The following EIF3E variants were observed in gnomAD, a reference collection of about 807,000 sequenced individuals.
EIF3E encodes the protein eukaryotic translation initiation factor 3 subunit E, also known as eIF-3 p48.
In EIF3E, 25 loss-of-function variants were observed where a neutral mutation model predicts 59.3. The ratio of observed to expected loss-of-function variants is 0.42; its 90% CI spans 0.31 to 0.59. The LOEUF (loss-of-function observed/expected upper bound fraction) is 0.59. Ranked by LOEUF, EIF3E falls within the 20% of genes least tolerant of loss-of-function variation. The pLI, the probability that EIF3E is intolerant of heterozygous loss-of-function variation, is 0.15. For synonymous variants in EIF3E, 176 were observed against 170.2 expected (o/e 1.03, Z -0.26); for missense variants, 317 against 534.3 (o/e 0.59, Z 4.01).
chr8:108,222,180 C>A (rs1357827287), intron 7 of EIF3E, among the ~76,000 whole-genome samples: 12 of 148,742 alleles, frequency 8.1e-5, no homozygotes, highest in Non-Finnish European at 4.5e-5. Context: ...GTAGTTGGGG[C>A]CACAGGAGTG....
intron 10 of EIF3E, among the ~76,000 whole-genome samples, chr8:108,210,757 C>A (rs1815191812): frequency 6.6e-6 from 1 of 152,146 alleles, no homozygotes; most frequent in South Asian, 2.1e-4. Flanking sequence ...TCCCCCCACC[C>A]CACGACAGGC....
intron 1 of EIF3E, chr8:108,243,257 A>G (rs374475440): frequency 6.6e-6 from 1 of 152,194 alleles, no homozygotes; most frequent in African/African-American, 2.4e-5. Flanking sequence ...ATAAAAATCA[A>G]AAACAGGCAA....
intron 7 of EIF3E, among the ~76,000 whole-genome samples, chr8:108,222,972 C>T (rs1200583273): frequency 1.3e-5 from 2 of 151,564 alleles, no homozygotes; most frequent in Admixed American, 6.6e-5. Context: ...GGGAGTTTTC[C>T]TACAGTGTTT....
intron 10 of EIF3E, among the ~76,000 whole-genome samples, chr8:108,204,488 G>T (rs976901365): frequency 1.3e-5 from 2 of 151,806 alleles, no homozygotes; most frequent in Non-Finnish European, 2.9e-5. Flanking sequence ...TTATAAGTGG[G>T]AGCTAAGCTA....
chr8:108,229,234 C>T (rs755126748), intron 5 of EIF3E, 39 bp from the exon 6 acceptor site: 4 of 1,597,254 alleles, frequency 2.5e-6, no homozygotes, highest in South Asian at 1.1e-5. Flanking sequence ...TGTGAATACT[C>T]TTGAAAAATG....
chr8:108,207,375 AAT>A (rs1401871299), intron 10 of EIF3E, among the ~76,000 whole-genome samples: 11 of 152,238 alleles, frequency 7.2e-5, no homozygotes, highest in Non-Finnish European at 1.3e-4. Context: ...ATAAAAGTGT[AAT>A]ATCCTATCAA....
At chr8:108,232,030 G>A (rs1287182127) in intron 5 of EIF3E, 1 of 150,770 alleles carries the variant, frequency 6.6e-6, no homozygotes, top group Non-Finnish European at 1.5e-5. Flanking sequence ...AAAGTATTTA[G>A]AAATAAAAAA....
At chr8:108,211,342 G>A (rs563159068) in intron 10 of EIF3E, among the ~76,000 whole-genome samples, 1 of 152,258 alleles carries the variant, frequency 6.6e-6, no homozygotes, top group Non-Finnish European at 1.5e-5. Context: ...TTTCTCTGAT[G>A]GCCAGTGATG....
chr8:108,229,007 C>A, intron 6 of EIF3E, 63 bp downstream of exon 6: 1 of 1,422,012 alleles, frequency 7.0e-7, no homozygotes, highest in Non-Finnish European at 9.3e-7. Flanking sequence ...TGATTTTCCT[C>A]ATCAGAAAGT....
At chr8:108,205,616 G>A (rs1304000585) in intron 10 of EIF3E, among the ~76,000 whole-genome samples, 3 of 152,126 alleles carry the variant, frequency 2.0e-5, no homozygotes, top group Non-Finnish European at 4.4e-5. Context: ...AAACTGTTCT[G>A]GCTAGCATGA....
At chr8:108,242,135 A>C in intron 1 of EIF3E, 4 of 1,419,026 alleles carry the variant, frequency 2.8e-6, no homozygotes, top group African/African-American at 2.8e-5. Flanking sequence ...AATGAAGAGA[A>C]TTACTGTAGA....
chr8:108,214,596 G>C lies in EIF3E; in HGVS notation c.1061+11C>G, dbSNP rs368520339. 7.1e-6 allele frequency: 11 copies of C among 1,546,910 alleles called. No homozygotes were observed. Among genetic ancestry groups the C allele is most frequent in the Non-Finnish European group, 9.6e-6 (11 of 1,146,444 alleles). ...AAGTAGAAAATCCAAATCAAATCAC[G>C]GTGTTCTTACTTAATGCTGATACAC... is the stretch of plus-strand genomic sequence containing the variant. On this transcript the variant is annotated intron_variant, in intron 10 of 12. Transcript: ENST00000220849.
rs2129921058 is a variant in EIF3E at position 108,240,063 on chromosome 8, T to C, written c.218A>G (p.Lys73Arg). 3 of 1,613,678 alleles carry C rather than the reference T, an allele frequency of 1.9e-6. 1 individual carries two copies. The South Asian group carries it at 3.3e-5, about 18-fold the overall frequency. ...SDDIPHALRE[K>R]RTTVVAQLKQ... Reference sequence around the variant, plus strand: ...CAGTTGTGCAACCACTGTGGTTCTTTTCTCTCTCAAAGCTAATTAAAAATG... The same window carrying C: ...CAGTTGTGCAACCACTGTGGTTCTTCTCTCTCTCAAAGCTAATTAAAAATG... The change falls in exon 3 of 13, where the codon AAA becomes AGA. Residue 73 changes from lysine (K) to arginine (R), a missense_variant. This residue lies in a region of EIF3E where 242 missense variants were observed against 398.0 expected (regional missense o/e 0.61). Transcript: ENST00000220849.
intron 5 of EIF3E, chr8:108,234,218 A>G (rs28716024): frequency 0.048 from 7,262 of 152,272 alleles, 328 homozygotes; most frequent in African/African-American, 0.12. Context: ...TTTTTAGTAG[A>G]GACAGGGTTT....
intron 9 of EIF3E, among the ~76,000 whole-genome samples, chr8:108,215,491 G>A (rs1337947101): frequency 3.9e-5 from 6 of 152,030 alleles, no homozygotes; most frequent in Non-Finnish European, 8.8e-5. Context: ...GGTGGTGGGC[G>A]CCTATGGTCC....
intron 7 of EIF3E, among the ~76,000 whole-genome samples, chr8:108,225,325 C>A (rs1252334066): frequency 6.6e-6 from 1 of 151,524 alleles, no homozygotes; most frequent in Non-Finnish European, 1.5e-5. Flanking sequence ...CTTTCCAATG[C>A]TTAAACCCGT....
rs80206802 is a variant in EIF3E at position 108,238,865 on chromosome 8, C to T, written c.323+1093G>A. On this transcript the variant is annotated intron_variant, in intron 3 of 12. Transcript: ENST00000220849. ...ATTTACTGGTAGCTAGGATTTATCTCAAATGACAATATTCAATTTTAGTAA... is the reference window on the plus strand; with the variant it reads ...ATTTACTGGTAGCTAGGATTTATCTTAAATGACAATATTCAATTTTAGTAA... Among the ~76,000 whole-genome samples the T allele has an allele frequency of 2.8e-3, 423 of 152,304 alleles. 12 individuals carry two copies. In the East Asian group the frequency reaches 0.058, roughly 21 times the overall value.
chr8:108,214,027 T>C (rs1057515242), intron 10 of EIF3E, among the ~76,000 whole-genome samples: 1 of 152,252 alleles, frequency 6.6e-6, no homozygotes, highest in African/African-American at 2.4e-5. Flanking sequence ...CAAACTGTAA[T>C]GTGTACAATT....
At chr8:108,223,610 T>C (rs534455439) in intron 7 of EIF3E, among the ~76,000 whole-genome samples, 17 of 152,330 alleles carry the variant, frequency 1.1e-4, no homozygotes, top group Non-Finnish European at 2.5e-4. Context: ...TTTCTACAAG[T>C]GGAGAGTAAT....
Sources: gnomAD v4.1 joint callset for allele counts (sites outside exome capture counted in the v4.1 genomes callset) on GRCh38, gnomAD v4.1.1 for gene constraint, gnomAD v4.1.1 regional missense constraint, MANE v1.5 for transcripts, NCBI Gene and HGNC (gene_info 2026-07-23, HGNC 2026-07-21) for gene names.